Variants in RAB15 observed in about 807,000 individuals in gnomAD.
RAB15 encodes the protein RAB15, member RAS oncogene family.
RAB15 carries 13 observed loss-of-function variants against 31.8 expected under a neutral mutation model. The ratio of observed to expected loss-of-function variants is 0.41; its 90% confidence interval spans 0.27 to 0.65. RAB15 has a LOEUF of 0.65. Ranked by LOEUF, RAB15 falls within the 30% of genes least tolerant of loss-of-function variation. The pLI is 0.32. For synonymous variants in RAB15, 100 were observed against 105.6 expected, an observed-to-expected ratio of 0.95 and a Z score of 0.33; for missense variants, 220 against 277.3, an observed-to-expected ratio of 0.79 and a Z score of 1.47.
rs1412997562 is a variant in RAB15 at position 64,970,339 on chromosome 14, C to T, written c.124+1614G>A. Among the ~76,000 whole-genome samples, 2 of 152,218 alleles carry T rather than the reference C, an allele frequency of 1.3e-5. No individual in the cohort carries two copies. The highest frequency in any genetic ancestry group is 2.9e-5 in the Non-Finnish European group (2 of 68,042). On this transcript the variant is annotated intron_variant, in intron 1 of 6. Coordinates refer to ENST00000533601, the MANE Select transcript of RAB15 (RefSeq NM_001308154.2). This position sits in a 1 kb window ranked among gnomAD's most constrained non-coding sequence, Gnocchi z 4.1. ...CCATCACGCCCATGCCTTTCTCCTG[C>T]ACCTGCCTCTTCCCCAAGTCCTCCC...
At chr14:64,966,536 T>TAA (rs764148712) in intron 1 of RAB15, among the ~76,000 whole-genome samples, 2 of 149,456 alleles carry the variant, frequency 1.3e-5, no homozygotes, top group Non-Finnish European at 1.5e-5. Context: ...AAAAAATAAA[T>TAA]AAATAAATAA....
intron 5 of RAB15, among the ~76,000 whole-genome samples, chr14:64,949,118 C>G (rs1886086835): frequency 6.6e-6 from 1 of 152,176 alleles, no homozygotes; most frequent in African/African-American, 2.4e-5. Context: ...ACAAGTTGTA[C>G]ATTCTCTGTA....
At position 64,962,207 on chromosome 14, in the gene RAB15, T is replaced by C. The variant is rs1217550823; in HGVS notation, c.125-9636A>G. ...TCCAGCCTGGGGGATACAGTGAGAC[T>C]CTGTCTCAAAAAACAAAACAAAACA... On this transcript the variant is annotated intron_variant, in intron 1 of 6. Transcript: ENST00000533601. This position sits in a 1 kb window ranked among gnomAD's most constrained non-coding sequence, Gnocchi z 4.2. Among the ~76,000 whole-genome samples the C allele has an allele frequency of 6.6e-6, 1 of 152,144 alleles. No homozygotes were observed. Among genetic ancestry groups the C allele is most frequent in the Non-Finnish European group, 1.5e-5 (1 of 68,030 alleles).
Position 64,970,313 on chromosome 14 carries a change from T to A in RAB15, c.124+1640A>T, listed in dbSNP as rs1887354158. 6.6e-6 allele frequency among the ~76,000 whole-genome samples: 1 copy of A among 152,152 alleles called. No individual in the cohort carries two copies. The highest frequency in any genetic ancestry group is 1.5e-5 in the Non-Finnish European group (1 of 68,022). On this transcript the variant is annotated intron_variant, in intron 1 of 6. Coordinates refer to ENST00000533601, the MANE Select transcript of RAB15 (RefSeq NM_001308154.2). This position sits in a 1 kb window ranked among gnomAD's most constrained non-coding sequence, Gnocchi z 4.1. Reference sequence around the variant, plus strand: ...ACCATCTGGTTCCTCTGCCACTTCCTCCATCACGCCCATGCCTTTCTCCTG... The same window carrying A: ...ACCATCTGGTTCCTCTGCCACTTCCACCATCACGCCCATGCCTTTCTCCTG...
intron 1 of RAB15, chr14:64,957,885 CT>C: frequency 6.7e-6 from 1 of 148,224 alleles, no homozygotes; most frequent in Non-Finnish European, 1.5e-5. Flanking sequence ...TACCCGATGC[CT>C]TTTCCCACAC....
rs772312514 is a variant in RAB15, at chr14:64,952,615, G to T, written c.125-44C>A. 6.9e-7 allele frequency: 1 copy of T among 1,444,182 alleles called. No homozygotes were observed. The highest frequency in any genetic ancestry group is 1.1e-5 in the South Asian group (1 of 87,190). 89.5% of individuals were successfully genotyped at this position (1,444,182 alleles called of 1,614,324 possible). On this transcript the variant is annotated intron_variant, in intron 1 of 6. Transcript: ENST00000533601. The surrounding 1 kb of genome is among the most constrained non-coding windows in gnomAD (Gnocchi z 4.2). The stretch of plus-strand genomic sequence containing the variant: ...AAAGAAAGTTAGAAAGCGTACCCAC[G>T]AGAAATGAACAGGAAAGGGCCAGGC...
In RAB15 at chr14:64,971,854, C is replaced by T; in HGVS notation, c.124+99G>A. On this transcript the variant is annotated intron_variant, in intron 1 of 6. Transcript: ENST00000533601. This position sits in a 1 kb window ranked among gnomAD's most constrained non-coding sequence, Gnocchi z 4.1. ...CGGCCTCCGGCGCCACCGCCTCCAG[C>T]CGGAGGGGCTGGCAATTCCTCCCCA... 2 of 1,224,694 alleles carry T rather than the reference C, an allele frequency of 1.6e-6. No homozygotes were observed. Among genetic ancestry groups the T allele is most frequent in the East Asian group, 2.7e-5 (1 of 36,812 alleles). The allele number at this position is 1,224,694 out of a possible 1,614,324, so 75.9% of individuals were successfully genotyped here.
chr14:64,959,192 T>C (rs755893902), intron 1 of RAB15, among the ~76,000 whole-genome samples: 33 of 152,256 alleles, frequency 2.2e-4, no homozygotes, highest in Admixed American at 6.5e-4. Context: ...CTGGGGACGG[T>C]GGATCCTAGC....
Position 64,952,359 on chromosome 14 carries a change from G to A in RAB15, c.185+152C>T. 1.6e-6 allele frequency: 1 copy of A among 633,240 alleles called. No individual in the cohort carries two copies. Among genetic ancestry groups the A allele is most frequent in the Non-Finnish European group, 2.8e-6 (1 of 355,844 alleles). The allele number at this position is 633,240 out of a possible 1,614,324, so 39.2% of individuals were successfully genotyped here. The stretch of plus-strand genomic sequence containing the variant: ...GGTTGGAGATTAAGGCTTATAGGAA[G>A]AGATGGGCTTCTGAGACTTCGCTTC... On this transcript the variant is annotated intron_variant, in intron 2 of 6. Transcript: ENST00000533601. This position sits in a 1 kb window ranked among gnomAD's most constrained non-coding sequence, Gnocchi z 4.2.
chr14:64,953,582 G>C lies in RAB15; in HGVS notation c.125-1011C>G, dbSNP rs1886383148. Among the ~76,000 whole-genome samples the C allele has an allele frequency of 6.6e-6, 1 of 152,164 alleles. No homozygotes were observed. Among genetic ancestry groups the C allele is most frequent in the Non-Finnish European group, 1.5e-5 (1 of 68,040 alleles). On this transcript the variant is annotated intron_variant, in intron 1 of 6. Coordinates refer to ENST00000533601, the MANE Select transcript of RAB15 (RefSeq NM_001308154.2). The surrounding 1 kb of genome is among the most constrained non-coding windows in gnomAD (Gnocchi z 4.6). Reference sequence around the variant, plus strand: ...GAGACACAAGAAACCGAAGGGATTTGGCAAATGCGTGCAGGGCAGAAACAT... The same window carrying C: ...GAGACACAAGAAACCGAAGGGATTTCGCAAATGCGTGCAGGGCAGAAACAT...
chr14:64,968,711 A>G lies in RAB15; in HGVS notation c.124+3242T>C, dbSNP rs1887265680. Among the ~76,000 whole-genome samples the G allele has an allele frequency of 6.6e-6, 1 of 152,206 alleles. No homozygotes were observed. The highest frequency in any genetic ancestry group is 1.5e-5 in the Non-Finnish European group (1 of 68,032). On this transcript the variant is annotated intron_variant, in intron 1 of 6. Transcript: ENST00000533601. The surrounding 1 kb of genome is among the most constrained non-coding windows in gnomAD (Gnocchi z 4.9). ...AAAACGTAGACTGCAATATGTCTCTAAAATGCCTGGCACAGAGCTTGGTAG... is the reference window on the plus strand; with the variant it reads ...AAAACGTAGACTGCAATATGTCTCTGAAATGCCTGGCACAGAGCTTGGTAG...
In RAB15 at chr14:64,954,558, T is replaced by C. The variant is rs539389623; in HGVS notation, c.125-1987A>G. The C allele has an allele frequency of 7.1e-6, 7 of 981,810 alleles. No individual in the cohort carries two copies. The South Asian group carries it at 2.4e-4, about 33-fold the overall frequency. 60.8% of individuals were successfully genotyped at this position (981,810 alleles called of 1,614,324 possible). ...ATTTCCTTTATCCCACAAACATTTA[T>C]GGGAACTTCCTATGTGCCCTGCACA... On this transcript the variant is annotated intron_variant, in intron 1 of 6. Coordinates refer to ENST00000533601, the MANE Select transcript of RAB15 (RefSeq NM_001308154.2). This position sits in a 1 kb window ranked among gnomAD's most constrained non-coding sequence, Gnocchi z 4.3.
At position 64,951,501 on chromosome 14, in the gene RAB15, G is replaced by T; in HGVS notation, c.246+102C>A. 1 of 1,087,146 alleles carries T rather than the reference G, an allele frequency of 9.2e-7. No homozygotes were observed. Among genetic ancestry groups the T allele is most frequent in the Non-Finnish European group, 1.4e-6 (1 of 698,582 alleles). 67.3% of individuals were successfully genotyped at this position (1,087,146 alleles called of 1,614,324 possible). A position where few individuals can be genotyped will look rare whatever the true frequency, so the allele number is the denominator to read the frequency against. On this transcript the variant is annotated intron_variant, in intron 3 of 6. Transcript: ENST00000533601. This position sits in a 1 kb window ranked among gnomAD's most constrained non-coding sequence, Gnocchi z 7.2. ...ACGCCCTGCGCTCCTCCAAGCAGGCGAACTGTATTTAGGGGATCCGTGGCA... is the reference window on the plus strand; with the variant it reads ...ACGCCCTGCGCTCCTCCAAGCAGGCTAACTGTATTTAGGGGATCCGTGGCA...
rs1886891984 is a variant in RAB15, at chr14:64,962,057, A to G, written c.125-9486T>C. Among the ~76,000 whole-genome samples the G allele has an allele frequency of 1.3e-5, 2 of 152,126 alleles. No homozygotes were observed. Among genetic ancestry groups the G allele is most frequent in the African/African-American group, 4.8e-5 (2 of 41,420 alleles). On this transcript the variant is annotated intron_variant, in intron 1 of 6. Coordinates refer to ENST00000533601, the MANE Select transcript of RAB15 (RefSeq NM_001308154.2). This position sits in a 1 kb window ranked among gnomAD's most constrained non-coding sequence, Gnocchi z 4.2. ...TGGTGAAACCTTGTCTCTACTAAAA[A>G]TACAAAAATTAGCTGGTCGTGGTGG...
At position 64,964,533 on chromosome 14, in the gene RAB15, A is replaced by G. The variant is rs551582733; in HGVS notation, c.124+7420T>C. On this transcript the variant is annotated intron_variant, in intron 1 of 6. Coordinates refer to ENST00000533601, the MANE Select transcript of RAB15 (RefSeq NM_001308154.2). ...GACTCTGTTTCAAAAAAAAAAAAGA[A>G]AAAAAGAAAAAAGAAAGAAAAGAAA... 2.0e-3 allele frequency among the ~76,000 whole-genome samples: 303 copies of G among 151,722 alleles called. 2 individuals are homozygous for G. Among genetic ancestry groups the G allele is most frequent in the South Asian group, 0.02 (95 of 4,798 alleles).
In RAB15 at chr14:64,951,727, G is replaced by A; in HGVS notation, c.186-64C>T. On this transcript the variant is annotated intron_variant, in intron 2 of 6. Transcript: ENST00000533601. The surrounding 1 kb of genome is among the most constrained non-coding windows in gnomAD (Gnocchi z 7.2). ...ATGGGAACAGACGGGGAGGGGAAGA[G>A]CAGAGCTGTCCCCTTGTAGGAAAAA... 1 of 1,401,450 alleles carries A rather than the reference G, an allele frequency of 7.1e-7. No individual in the cohort carries two copies. The highest frequency in any genetic ancestry group is 1.2e-5 in the South Asian group (1 of 86,938). The allele number at this position is 1,401,450 out of a possible 1,614,324, so 86.8% of individuals were successfully genotyped here.
rs1886245009 is a variant in RAB15 at position 64,951,480 on chromosome 14, C to A, written c.246+123G>T. On this transcript the variant is annotated intron_variant, in intron 3 of 6. Transcript: ENST00000533601. This position sits in a 1 kb window ranked among gnomAD's most constrained non-coding sequence, Gnocchi z 7.2. ...TGATCAGTGAACAGCTGAAAGACGC[C>A]CTGCGCTCCTCCAAGCAGGCGAACT... 3.3e-6 allele frequency: 3 copies of A among 904,588 alleles called. No homozygotes were observed. The South Asian group carries it at 4.0e-5, about 12-fold the overall frequency. 56.0% of individuals were successfully genotyped at this position (904,588 alleles called of 1,614,324 possible).
At position 64,964,984 on chromosome 14, in the gene RAB15, C is replaced by A. The variant is rs139186429; in HGVS notation, c.124+6969G>T. Among the ~76,000 whole-genome samples the A allele has an allele frequency of 0.014, 2,124 of 152,106 alleles. 93 individuals are homozygous for A. In the East Asian group the frequency reaches 0.14, roughly 10 times the overall value. ...TTCCTGAGACAGGGTCTCACTCTGT[C>A]ACCCAGGCTGGAGTACAGTGGTGTG... On this transcript the variant is annotated intron_variant, in intron 1 of 6. Transcript: ENST00000533601.
In RAB15 at chr14:64,952,633, G is replaced by A; in HGVS notation, c.125-62C>T. 2 of 1,232,618 alleles carry A rather than the reference G, an allele frequency of 1.6e-6. No homozygotes were observed. Among genetic ancestry groups the A allele is most frequent in the South Asian group, 2.4e-5 (2 of 82,106 alleles). 76.4% of individuals were successfully genotyped at this position (1,232,618 alleles called of 1,614,324 possible). A position where few individuals can be genotyped will look rare whatever the true frequency, so the allele number is the denominator to read the frequency against. ...TACCCACGAGAAATGAACAGGAAAG[G>A]GCCAGGCAATCACACTTGAAAGGTT... On this transcript the variant is annotated intron_variant, in intron 1 of 6. Coordinates refer to ENST00000533601, the MANE Select transcript of RAB15 (RefSeq NM_001308154.2). The surrounding 1 kb of genome is among the most constrained non-coding windows in gnomAD (Gnocchi z 4.2).
Sources: gnomAD v4.1 joint callset for allele counts (sites outside exome capture counted in the v4.1 genomes callset) on GRCh38, gnomAD v4.1.1 for gene constraint, Gnocchi (gnomAD v3.1) non-coding constraint, MANE v1.5 for transcripts, NCBI Gene and HGNC (gene_info 2026-07-23, HGNC 2026-07-21) for gene names.